Variants in C10orf90 observed in about 807,000 individuals in gnomAD.
C10orf90 encodes chromosome 10 open reading frame 90, also known as (E2-independent) E3 ubiquitin-conjugating enzyme FATS.
Under a neutral mutation model 62.5 loss-of-function variants are expected in C10orf90, and 56 were observed. The ratio of observed to expected loss-of-function variants is 0.90; its 90% CI spans 0.72 to 1.12. The LOEUF is 1.12. Among genes scored for constraint, C10orf90 ranks in the 50% most tolerant of loss-of-function variants. C10orf90 has a pLI of 0.00. For synonymous variants in C10orf90, 386 were observed against 340.4 expected (o/e 1.13, Z -1.47); for missense variants, 970 against 880.4 (o/e 1.10, Z -1.29).
At chr10:126,581,542 T>C (rs1409834434) in intron 2 of C10orf90, among the ~76,000 whole-genome samples, 1 of 152,034 alleles carries the variant, frequency 6.6e-6, no homozygotes, top group African/African-American at 2.4e-5. Context: ...TCCTCTCTTC[T>C]CCTTTCTTAG....
At chr10:126,481,636 C>A (rs1236895445) in intron 4 of C10orf90, among the ~76,000 whole-genome samples, 1 of 152,170 alleles carries the variant, frequency 6.6e-6, no homozygotes, top group Non-Finnish European at 1.5e-5. Flanking sequence ...AGCTGGGCCA[C>A]CATGTTGGCA....
At chr10:126,615,087 C>T (rs889926936) in intron 2 of C10orf90, among the ~76,000 whole-genome samples, 21 of 152,284 alleles carry the variant, frequency 1.4e-4, no homozygotes, top group African/African-American at 4.8e-4. Context: ...AGTGTTTTCT[C>T]ATCCTCCACG....
intron 7 of C10orf90, among the ~76,000 whole-genome samples, chr10:126,445,505 C>A (rs977508372): frequency 2.0e-5 from 3 of 151,938 alleles, no homozygotes; most frequent in South Asian, 2.1e-4. Flanking sequence ...ATAAAAAAAT[C>A]AAAAAACAGT....
intron 2 of C10orf90, among the ~76,000 whole-genome samples, chr10:126,609,044 G>A (rs936430676): frequency 2.0e-5 from 3 of 152,180 alleles, no homozygotes; most frequent in African/African-American, 4.8e-5. Flanking sequence ...ATGGCCTTGG[G>A]CAAGAGATTT....
intron 3 of C10orf90, among the ~76,000 whole-genome samples, chr10:126,510,766 T>C (rs1863060344): frequency 6.6e-6 from 1 of 152,264 alleles, no homozygotes; most frequent in Admixed American, 6.5e-5. Context: ...TATGCTTTTA[T>C]TGACTGTTTT....
rs1481577317 is a variant in C10orf90, at chr10:126,504,109, C to G, written c.1382G>C (p.Gly461Ala). ...HLGTGACPWS[G>A]SFPLENTELA... ...TTCTGTGTTTTCCAATGGAAAAGAA[C>G]CACTCCAAGGACAAGCGCCGGTCCC... The change falls in exon 4 of 10, where the codon GGT becomes GCT. Residue 461 changes from glycine to alanine, a missense_variant. Transcript: ENST00000488181. This position sits in a 1 kb window ranked among gnomAD's most constrained non-coding sequence, Gnocchi z 4.1. 1 of 1,614,112 alleles carries G rather than the reference C, an allele frequency of 6.2e-7. No homozygotes were observed. Among genetic ancestry groups the G allele is most frequent in the Admixed American group, 1.7e-5 (1 of 60,004 alleles).
At position 126,632,778 on chromosome 10, in the gene C10orf90, C is replaced by T. The variant is rs115208983; in HGVS notation, c.313+13787G>A. ...ATATTTACTTTGCTTTGAATGTGAA[C>T]TTATGCATTTTCTCTTCTGTGCTTG... On this transcript the variant is annotated intron_variant, in intron 2 of 9. Coordinates refer to ENST00000488181, the MANE Select transcript of C10orf90 (RefSeq NM_001350921.2). Among the ~76,000 whole-genome samples, 314 of 152,164 alleles carry T rather than the reference C, an allele frequency of 2.1e-3. 2 individuals are homozygous for T. The highest frequency in any genetic ancestry group is 7.1e-3 in the African/African-American group (295 of 41,510).
At chr10:126,646,873 G>A (rs1039500660) in intron 1 of C10orf90, among the ~76,000 whole-genome samples, 3 of 152,144 alleles carry the variant, frequency 2.0e-5, no homozygotes, top group Admixed American at 6.5e-5. Flanking sequence ...GAGGGAGGGA[G>A]GAAAGGAAAC....
intron 2 of C10orf90, among the ~76,000 whole-genome samples, chr10:126,579,310 G>A (rs554355642): frequency 1.4e-5 from 2 of 141,422 alleles, no homozygotes; most frequent in South Asian, 4.4e-4. Flanking sequence ...TCTCACTCTT[G>A]GCTCACCACA....
At chr10:126,539,284 C>T (rs1864319444) in intron 2 of C10orf90, among the ~76,000 whole-genome samples, 1 of 152,200 alleles carries the variant, frequency 6.6e-6, no homozygotes, top group Non-Finnish European at 1.5e-5. Flanking sequence ...TGTTCCACAG[C>T]AGAGAGAGGC....
intron 2 of C10orf90, among the ~76,000 whole-genome samples, chr10:126,613,706 T>C (rs890936886): frequency 6.6e-6 from 1 of 152,224 alleles, no homozygotes; most frequent in Non-Finnish European, 1.5e-5. Flanking sequence ...GTTTTAAAGA[T>C]GCAACCAGTA....
intron 2 of C10orf90, among the ~76,000 whole-genome samples, chr10:126,640,072 T>C (rs1846029800): frequency 6.6e-6 from 1 of 152,248 alleles, no homozygotes; most frequent in African/African-American, 2.4e-5. Context: ...CAGACTCAAA[T>C]GCATCCTCTT....
chr10:126,599,372 CT>C (rs922263702), intron 2 of C10orf90, among the ~76,000 whole-genome samples: 2 of 148,738 alleles, frequency 1.3e-5, no homozygotes, highest in Admixed American at 6.7e-5. Context: ...TTTTTTTTTT[CT>C]TTTTTTTAAG....
intron 2 of C10orf90, among the ~76,000 whole-genome samples, chr10:126,574,339 G>A (rs12780315): frequency 0.082 from 12,535 of 151,966 alleles, 713 homozygotes; most frequent in Middle Eastern, 0.14. Flanking sequence ...AAGGAAAAAC[G>A]GTCAAAGGAT....
At chr10:126,499,256 T>A (rs944903775) in intron 4 of C10orf90, among the ~76,000 whole-genome samples, 1 of 152,090 alleles carries the variant, frequency 6.6e-6, no homozygotes, top group Non-Finnish European at 1.5e-5. Context: ...GCAGGCCCCA[T>A]CTCCACTGCC....
rs574630915 is a variant in C10orf90, at chr10:126,535,408, G to A, written c.314-21469C>T. Among the ~76,000 whole-genome samples, 229 of 151,846 alleles carry A rather than the reference G, an allele frequency of 1.5e-3. 1 individual carries two copies. The highest frequency in any genetic ancestry group is 2.5e-3 in the Non-Finnish European group (172 of 67,926). On this transcript the variant is annotated intron_variant, in intron 2 of 9. Transcript: ENST00000488181. ...GGCGGGTGCCTGTAGTCCCAGCTAC[G>A]TGGGAGGCTGAGGTAGGAGAGTGGC...
intron 2 of C10orf90, among the ~76,000 whole-genome samples, chr10:126,552,661 C>T (rs376595692): frequency 0.034 from 5,177 of 152,316 alleles, 292 homozygotes; most frequent in African/African-American, 0.12. Flanking sequence ...TTCCTTTCCG[C>T]TTTGCCACGT....
chr10:126,517,787 G>A (rs1306673778), intron 2 of C10orf90, among the ~76,000 whole-genome samples: 3 of 151,708 alleles, frequency 2.0e-5, no homozygotes, highest in African/African-American at 7.3e-5. Flanking sequence ...GTGTGCATCT[G>A]TATTCCCAGC....
intron 7 of C10orf90, among the ~76,000 whole-genome samples, chr10:126,457,394 G>T (rs1859654537): frequency 6.6e-6 from 1 of 152,228 alleles, no homozygotes; most frequent in African/African-American, 2.4e-5. Flanking sequence ...TGGGATGATG[G>T]TGTTCCAGAC....
Sources: gnomAD v4.1 joint callset for allele counts (sites outside exome capture counted in the v4.1 genomes callset) on GRCh38, gnomAD v4.1.1 for gene constraint, Gnocchi (gnomAD v3.1) non-coding constraint, MANE v1.5 for transcripts, NCBI Gene and HGNC (gene_info 2026-07-23, HGNC 2026-07-21) for gene names.